CNTN5: variants seen among roughly 807,000 people sequenced by gnomAD.
The protein encoded by CNTN5 is contactin 5, also known as contactin-5.
A neutral mutation model predicts 129.1 loss-of-function variants in CNTN5; 77 were observed. The ratio of observed to expected loss-of-function variants is 0.60; its 90% CI spans 0.50 to 0.72. The LOEUF (loss-of-function observed/expected upper bound fraction) is 0.72. Ranked by LOEUF, CNTN5 falls within the 30% of genes least tolerant of loss-of-function variation. The pLI, the probability that CNTN5 is intolerant of heterozygous loss-of-function variation, is 0.00. For missense variants in CNTN5, 1,478 were observed against 1,328.8 expected, an observed-to-expected ratio of 1.11 and a Z score of -1.75; for synonymous variants, 509 against 465.6, an observed-to-expected ratio of 1.09 and a Z score of -1.20.
At chr11:100,167,208 G>A (rs1947668085) in intron 13 of CNTN5, among the ~76,000 whole-genome samples, 1 of 151,610 alleles carries the variant, frequency 6.6e-6, no homozygotes, top group Non-Finnish European at 1.5e-5. Context: ...AAAAATTAAA[G>A]TAACAATGTA....
intron 7 of CNTN5, among the ~76,000 whole-genome samples, chr11:99,937,925 G>T (rs1485576092): frequency 6.6e-6 from 1 of 152,122 alleles, no homozygotes; most frequent in Non-Finnish European, 1.5e-5. Flanking sequence ...ATACAACTTT[G>T]CATTTTATAC....
intron 3 of CNTN5, among the ~76,000 whole-genome samples, chr11:99,678,481 C>T (rs1175067065): frequency 3.3e-5 from 5 of 151,994 alleles, no homozygotes; most frequent in South Asian, 2.1e-4. Context: ...GGAAGGAATG[C>T]GAACGGGAAA....
intron 7 of CNTN5, 142 bp downstream of exon 7, chr11:99,916,291 A>G (rs1421479190): frequency 1.7e-6 from 1 of 604,682 alleles, no homozygotes; most frequent in East Asian, 2.8e-5. Flanking sequence ...CCAGATGAGT[A>G]ATTCAAGATC....
At chr11:99,254,949 T>C (rs1486069398) in intron 1 of CNTN5, among the ~76,000 whole-genome samples, 3 of 152,006 alleles carry the variant, frequency 2.0e-5, no homozygotes, top group Non-Finnish European at 4.4e-5. Context: ...CTTTTTCCTT[T>C]GACTAGTATA....
intron 3 of CNTN5, among the ~76,000 whole-genome samples, chr11:99,777,887 T>C (rs1008645100): frequency 2.0e-5 from 3 of 151,848 alleles, no homozygotes; most frequent in African/African-American, 7.2e-5. Flanking sequence ...AGATTATATA[T>C]AATACTACAT....
At chr11:99,033,832 T>A (rs1863537508) in intron 1 of CNTN5, among the ~76,000 whole-genome samples, 1 of 151,908 alleles carries the variant, frequency 6.6e-6, no homozygotes, top group Non-Finnish European at 1.5e-5. Context: ...AGAGAGGGCA[T>A]CCCTGTCTTG....
At chr11:99,555,229 G>C (rs994257179) in intron 2 of CNTN5, among the ~76,000 whole-genome samples, 2 of 151,968 alleles carry the variant, frequency 1.3e-5, no homozygotes, top group African/African-American at 4.8e-5. Flanking sequence ...TTCATAAGGA[G>C]GGATCAGATA....
chr11:100,067,091 A>G (rs894860268), intron 10 of CNTN5, among the ~76,000 whole-genome samples: 6 of 152,130 alleles, frequency 3.9e-5, no homozygotes, highest in Non-Finnish European at 5.9e-5. Flanking sequence ...CTTGCAATGT[A>G]AACAAGAAAT....
intron 1 of CNTN5, among the ~76,000 whole-genome samples, chr11:99,102,942 AG>A (rs1866809189): frequency 6.6e-6 from 1 of 152,148 alleles, no homozygotes; most frequent in Non-Finnish European, 1.5e-5. Flanking sequence ...ATGAAGAAAA[AG>A]AGGTTTAATG....
intron 3 of CNTN5, among the ~76,000 whole-genome samples, chr11:99,613,485 C>T (rs961879846): frequency 1.3e-5 from 2 of 152,044 alleles, no homozygotes; most frequent in African/African-American, 2.4e-5. Flanking sequence ...TTGGGCAGTT[C>T]TCTATAGCAG....
chr11:100,123,950 C>A (rs1047186478), intron 13 of CNTN5, among the ~76,000 whole-genome samples: 2 of 151,904 alleles, frequency 1.3e-5, no homozygotes, highest in African/African-American at 2.4e-5. Flanking sequence ...CAGTGAAGAG[C>A]TGTTAGGTAA....
Position 99,925,719 on chromosome 11 carries a change from T to C in CNTN5, c.673+9570T>C, listed in dbSNP as rs537856420. On this transcript the variant is annotated intron_variant, in intron 7 of 24. Coordinates refer to ENST00000524871, the MANE Select transcript of CNTN5 (RefSeq NM_014361.4). ...AAAGAGATAATTTTTGTTTTGTGGG[T>C]TTTTTTTTTCTTTTGGATTCTAAAT... is the stretch of plus-strand genomic sequence containing the variant. Among the ~76,000 whole-genome samples the C allele has an allele frequency of 1.9e-4, 28 of 148,714 alleles. No individual in the cohort carries two copies. In the South Asian group the frequency reaches 4.7e-3, roughly 25 times the overall value.
chr11:100,032,301 T>G (rs1418944070), intron 9 of CNTN5, among the ~76,000 whole-genome samples: 1 of 152,174 alleles, frequency 6.6e-6, no homozygotes, highest in Admixed American at 6.5e-5. Context: ...ATGTGGATTT[T>G]GTTCTATTAC....
At chr11:99,218,953 A>G (rs1860263615) in intron 1 of CNTN5, among the ~76,000 whole-genome samples, 1 of 152,042 alleles carries the variant, frequency 6.6e-6, no homozygotes, top group East Asian at 1.9e-4. Context: ...ACATTGAGGA[A>G]ATCAGTACAA....
rs371454644 is a variant in CNTN5, at chr11:100,267,280, C to CACACACACACACACAG, written c.2165-3811_2165-3810insCACACACACACACAGA. Among the ~76,000 whole-genome samples, 675 of 148,544 alleles carry CACACACACACACACAG rather than the reference C, an allele frequency of 4.5e-3. 6 individuals carry two copies. Among genetic ancestry groups the CACACACACACACACAG allele is most frequent in the East Asian group, 0.031 (148 of 4,800 alleles). ...ACACACACACACACACACACACACA[C>CACACACACACACACAG]AGAGAGAGAGAGAAAGAGAGAGTGA... On this transcript the variant is annotated intron_variant, in intron 17 of 24. Transcript: ENST00000524871.
chr11:99,470,703 T>C (rs1439053476), intron 2 of CNTN5, among the ~76,000 whole-genome samples: 2 of 152,160 alleles, frequency 1.3e-5, no homozygotes, highest in Non-Finnish European at 2.9e-5. Flanking sequence ...AAGGAAATGT[T>C]CCAATTATGA....
intron 15 of CNTN5, among the ~76,000 whole-genome samples, chr11:100,220,697 T>G (rs1949245480): frequency 1.3e-5 from 2 of 152,194 alleles, no homozygotes; most frequent in Non-Finnish European, 2.9e-5. Flanking sequence ...TGGGCTTTAC[T>G]CACATTATCA....
At chr11:99,205,668 ACT>A (rs1051784724) in intron 1 of CNTN5, among the ~76,000 whole-genome samples, 6 of 152,088 alleles carry the variant, frequency 3.9e-5, no homozygotes, top group African/African-American at 9.7e-5. Context: ...GTTCTCACAC[ACT>A]CTCTTTCCCA....
chr11:99,219,007 A>C (rs763044324), intron 1 of CNTN5, among the ~76,000 whole-genome samples: 3 of 152,062 alleles, frequency 2.0e-5, no homozygotes, highest in Non-Finnish European at 4.4e-5. Flanking sequence ...AAGCCCCTGG[A>C]CTGCTTTAAT....
Sources: allele counts gnomAD v4.1 joint callset (sites outside exome capture counted in the v4.1 genomes callset), GRCh38; gene constraint gnomAD v4.1.1; transcripts MANE v1.5; gene names NCBI Gene and HGNC (gene_info 2026-07-23, HGNC 2026-07-21).